Variants in PTCD3 observed in about 807,000 individuals in gnomAD.
PTCD3 encodes the protein pentatricopeptide repeat domain 3, also known as small ribosomal subunit protein mS39.
PTCD3 carries 89 observed loss-of-function variants against 101.9 expected under a neutral mutation model. The observed-to-expected ratio is 0.87, with a 90% CI of 0.74 to 1.04. PTCD3 has a LOEUF of 1.04. Ranked by LOEUF, PTCD3 falls within the 50% of genes least tolerant of loss-of-function variation. PTCD3 has a pLI of 0.00. For synonymous variants in PTCD3, 296 were observed against 278.5 expected, an observed-to-expected ratio of 1.06 and a Z score of -0.63; for missense variants, 870 against 828.2, an observed-to-expected ratio of 1.05 and a Z score of -0.62.
rs77945442 is a variant in PTCD3 at position 86,128,389 on chromosome 2, G to T, written c.1147+398G>T. On this transcript the variant is annotated intron_variant, in intron 14 of 23. Transcript: ENST00000254630. The stretch of plus-strand genomic sequence containing the variant: ...TATGGATTGTACTGGCAGTGATGTT[G>T]TACAAACAGGAATTGGGTAGAATAT... Among the ~76,000 whole-genome samples, 1,006 of 151,522 alleles carry T rather than the reference G, an allele frequency of 6.6e-3. 11 individuals carry two copies. The highest frequency in any genetic ancestry group is 0.023 in the African/African-American group (946 of 41,282).
intron 21 of PTCD3, chr2:86,135,973 A>G (rs934145410): frequency 3.9e-6 from 2 of 519,092 alleles, no homozygotes; most frequent in Admixed American, 1.9e-5. Flanking sequence ...GATGGGGAGC[A>G]CTTACATGAG....
chr2:86,106,522 G>A (rs763411234), intron 1 of PTCD3, among the ~76,000 whole-genome samples, 171 bp downstream of exon 1: 1 of 152,166 alleles, frequency 6.6e-6, no homozygotes, highest in Non-Finnish European at 1.5e-5. Flanking sequence ...AATAGGATTC[G>A]CAACGCATTT....
chr2:86,121,537 T>G lies in PTCD3; in HGVS notation c.597T>G (p.Gly199=). 6.2e-7 allele frequency: 1 copy of G among 1,611,858 alleles called. No homozygotes were observed. The stretch of plus-strand genomic sequence containing the variant: ...TCTTGGATTTATTGTGTTACTATGG[T>G]GACCAGGAGCCCTCAACTGATTACC... ...NSLLDLLCYY[G]DQEPSTDYHF... is the part of the protein sequence containing the mutation. The change falls in exon 8 of 24, where the codon GGT becomes GGG. Residue 199 remains glycine, a synonymous_variant. Coordinates refer to ENST00000254630, the MANE Select transcript of PTCD3 (RefSeq NM_017952.6).
In PTCD3 at chr2:86,134,143, G is replaced by A. The variant is rs77579151; in HGVS notation, c.1544-149G>A. The A allele has an allele frequency of 4.8e-5, 29 of 600,702 alleles. No individual in the cohort carries two copies. In the East Asian group the frequency reaches 8.7e-4, roughly 18 times the overall value. 37.2% of individuals were successfully genotyped at this position (600,702 alleles called of 1,614,324 possible). A position where few individuals can be genotyped will look rare whatever the true frequency, so the allele number is the denominator to read the frequency against. On this transcript the variant is annotated intron_variant, in intron 19 of 23. Transcript: ENST00000254630. ...TTGGCTTTTACATTTGTTCCACTGT[G>A]AATCCTGGTGGGTTTCTGGAATCCT...
In PTCD3 at chr2:86,121,573, A is replaced by G; in HGVS notation, c.633A>G (p.Gln211=). The change falls in exon 8 of 24, where the codon CAA becomes CAG. Residue 211 remains glutamine (Q), a synonymous_variant. Coordinates refer to ENST00000254630, the MANE Select transcript of PTCD3 (RefSeq NM_017952.6). ...QEPSTDYHFQ[Q]TGQSEALEEE... ...CCTCAACTGATTACCATTTTCAACAAACTGGACAGTCAGAAGCATTGGTAA... is the reference window on the plus strand; with the variant it reads ...CCTCAACTGATTACCATTTTCAACAGACTGGACAGTCAGAAGCATTGGTAA... 2 of 1,608,308 alleles carry G rather than the reference A, an allele frequency of 1.2e-6. No individual in the cohort carries two copies. Among genetic ancestry groups the G allele is most frequent in the African/African-American group, 2.7e-5 (2 of 74,710 alleles).
intron 1 of PTCD3, 109 bp downstream of exon 1, chr2:86,106,460 C>G (rs1450612377): frequency 8.8e-7 from 1 of 1,141,852 alleles, no homozygotes; most frequent in African/African-American, 1.5e-5. Context: ...CTCATGCGCG[C>G]CCTTAACGGT....
At position 86,139,160 on chromosome 2, in the gene PTCD3, C is replaced by T. The variant is rs2104465613; in HGVS notation, c.*1601C>T. On this transcript the variant is annotated 3_prime_UTR_variant, in exon 24 of 24. Transcript: ENST00000254630. Reference sequence around the variant, plus strand: ...GCCTCACAGGATGAGTCTCCATTCTCTGTAAATGCTTATTTTATCATAGTC... The same window carrying T: ...GCCTCACAGGATGAGTCTCCATTCTTTGTAAATGCTTATTTTATCATAGTC... 1 of 152,290 alleles carries T rather than the reference C, an allele frequency of 6.6e-6. No homozygotes were observed. Among genetic ancestry groups the T allele is most frequent in the African/African-American group, 2.4e-5 (1 of 41,558 alleles). 9.4% of individuals were successfully genotyped at this position (152,290 alleles called of 1,614,324 possible). A position where few individuals can be genotyped will look rare whatever the true frequency, so the allele number is the denominator to read the frequency against.
chr2:86,128,440 T>C (rs1316276063), intron 14 of PTCD3, among the ~76,000 whole-genome samples: 1 of 152,176 alleles, frequency 6.6e-6, no homozygotes, highest in African/African-American at 2.4e-5. Context: ...CCTTTTGTTC[T>C]CTGGAGCTGT....
chr2:86,109,339 G>A (rs1036476788), intron 3 of PTCD3, among the ~76,000 whole-genome samples: 3 of 151,842 alleles, frequency 2.0e-5, no homozygotes, highest in African/African-American at 4.8e-5. Context: ...CCCGGGAGAC[G>A]GAGCTTGCAG....
At chr2:86,106,402 C>T (rs748810715) in intron 1 of PTCD3, 51 bp downstream of exon 1, 3 of 1,551,754 alleles carry the variant, frequency 1.9e-6, no homozygotes, top group Non-Finnish European at 2.6e-6. Flanking sequence ...TCACCTTAGT[C>T]CTATGTTTCC....
At chr2:86,112,222 A>G (rs925153240) in intron 4 of PTCD3, 1 of 149,398 alleles carries the variant, frequency 6.7e-6, no homozygotes, top group African/African-American at 2.5e-5. Flanking sequence ...ACGCCTGGCT[A>G]TTTTTTTGTA....
Position 86,137,735 on chromosome 2 carries a change from AT to A in PTCD3, c.*177del. ...TGACTTATGTAGATTTAAGCTGCTAATATGCTACTTAACCATCTATTAATGC... is the reference window on the plus strand; with the variant it reads ...TGACTTATGTAGATTTAAGCTGCTAAATGCTACTTAACCATCTATTAATGC... On this transcript the variant is annotated 3_prime_UTR_variant, in exon 24 of 24. Coordinates refer to ENST00000254630, the MANE Select transcript of PTCD3 (RefSeq NM_017952.6). 1 of 823,034 alleles carries A rather than the reference AT, an allele frequency of 1.2e-6. No homozygotes were observed. The highest frequency in any genetic ancestry group is 1.8e-6 in the Non-Finnish European group (1 of 542,814). 51.0% of individuals were successfully genotyped at this position (823,034 alleles called of 1,614,324 possible).
At chr2:86,123,346 A>T (rs75357404) in intron 8 of PTCD3, among the ~76,000 whole-genome samples, 234 of 152,028 alleles carry the variant, frequency 1.5e-3, no homozygotes, top group African/African-American at 5.4e-3. Context: ...TTTCACCCTA[A>T]TTATGACAGT....
rs977067911 is a variant in PTCD3 at position 86,139,083 on chromosome 2, C to T, written c.*1524C>T. The stretch of plus-strand genomic sequence containing the variant: ...CTTTTAAGTTTGTGGTACAGATCCT[C>T]CAAACCCATACTCTGAGCAATTAAC... On this transcript the variant is annotated 3_prime_UTR_variant, in exon 24 of 24. Transcript: ENST00000254630. 3.3e-5 allele frequency: 5 copies of T among 152,198 alleles called. No individual in the cohort carries two copies. Among genetic ancestry groups the T allele is most frequent in the Non-Finnish European group, 7.3e-5 (5 of 68,046 alleles). The allele number at this position is 152,198 out of a possible 1,614,324, so 9.4% of individuals were successfully genotyped here. A position where few individuals can be genotyped will look rare whatever the true frequency, so the allele number is the denominator to read the frequency against.
chr2:86,118,021 C>T (rs576565272), intron 6 of PTCD3, among the ~76,000 whole-genome samples: 14 of 152,294 alleles, frequency 9.2e-5, no homozygotes, highest in African/African-American at 3.1e-4. Flanking sequence ...GTGATCCACC[C>T]GACTTGGCCT....
chr2:86,131,377 G>A (rs1169626934), intron 16 of PTCD3, among the ~76,000 whole-genome samples: 1 of 152,092 alleles, frequency 6.6e-6, no homozygotes, highest in Non-Finnish European at 1.5e-5. Context: ...GGGACTACAG[G>A]TGTGCGCCAC....
At position 86,121,485 on chromosome 2, in the gene PTCD3, CTG is replaced by C; in HGVS notation, c.549_550del (p.Leu185Ter). 1 of 1,596,910 alleles carries C rather than the reference CTG, an allele frequency of 6.3e-7. No individual in the cohort carries two copies. The highest frequency in any genetic ancestry group is 8.5e-7 in the Non-Finnish European group (1 of 1,171,466). On this transcript the variant is annotated frameshift_variant, in exon 8 of 24. Coordinates refer to ENST00000254630, the MANE Select transcript of PTCD3 (RefSeq NM_017952.6). LOFTEE classifies it high-confidence loss of function. ...TTCTGTCTCTTACCCACAGGAACCA[CTG>C]TGTCTCTTGAAACAACAAATAGTCT... is the stretch of plus-strand genomic sequence containing the variant.
intron 23 of PTCD3, 118 bp from the exon 24 acceptor site, chr2:86,137,351 T>C (rs761423716): frequency 6.0e-5 from 86 of 1,437,572 alleles, no homozygotes; most frequent in Non-Finnish European, 7.5e-5. Flanking sequence ...TTAATGCAAC[T>C]GCAGGGTCCC....
At position 86,136,250 on chromosome 2, in the gene PTCD3, C is replaced by G. The variant is rs548588474; in HGVS notation, c.1779-271C>G. 3.3e-5 allele frequency among the ~76,000 whole-genome samples: 5 copies of G among 152,288 alleles called. No homozygotes were observed. In the South Asian group the frequency reaches 1.0e-3, roughly 32 times the overall value. On this transcript the variant is annotated intron_variant, in intron 21 of 23. Transcript: ENST00000254630. Reference sequence around the variant, plus strand: ...CATTTTTGGATTAGGAATATTCAACCTGTACCAGCAAATCTTGACATTGGC... The same window carrying G: ...CATTTTTGGATTAGGAATATTCAACGTGTACCAGCAAATCTTGACATTGGC...
Sources: allele counts gnomAD v4.1 joint callset (sites outside exome capture counted in the v4.1 genomes callset), GRCh38; gene constraint gnomAD v4.1.1; transcripts MANE v1.5; gene names NCBI Gene and HGNC (gene_info 2026-07-23, HGNC 2026-07-21).